Variants in COL22A1 observed in about 807,000 individuals in gnomAD.
COL22A1 encodes collagen alpha-1(XXII) chain.
COL22A1 carries 221 observed loss-of-function variants against 248.9 expected under a neutral mutation model. The ratio of observed to expected loss-of-function variants is 0.89; its 90% CI spans 0.80 to 0.99. COL22A1 has a LOEUF of 0.99. COL22A1 is among the 50% of genes least tolerant of loss of function. COL22A1 has a pLI of 0.00. For synonymous variants in COL22A1, 891 were observed against 793.4 expected (o/e 1.12, Z -2.07); for missense variants, 2,240 against 2,179.0 (o/e 1.03, Z -0.56).
At position 138,873,058 on chromosome 8, in the gene COL22A1, G is replaced by T. The variant is rs374493209; in HGVS notation, c.658+4692C>A. 3.3e-5 allele frequency among the ~76,000 whole-genome samples: 5 copies of T among 152,162 alleles called. No individual in the cohort carries two copies. In the South Asian group the frequency reaches 6.2e-4, roughly 19 times the overall value. On this transcript the variant is annotated intron_variant, in intron 3 of 64. Coordinates refer to ENST00000303045, the MANE Select transcript of COL22A1 (RefSeq NM_152888.3). Reference sequence around the variant, plus strand: ...GTAGGGTTTGATAATTAGATATGCAGTAAGATTGCAGAAGGATGGTTGAAA... The same window carrying T: ...GTAGGGTTTGATAATTAGATATGCATTAAGATTGCAGAAGGATGGTTGAAA...
At chr8:138,730,105 C>G (rs934942150) in intron 23 of COL22A1, among the ~76,000 whole-genome samples, 3 of 152,212 alleles carry the variant, frequency 2.0e-5, no homozygotes, top group Admixed American at 6.5e-5. Flanking sequence ...TGACTATATG[C>G]TTGGCATCCT....
chr8:138,678,509 G>A (rs963551315), intron 40 of COL22A1, among the ~76,000 whole-genome samples: 1 of 152,236 alleles, frequency 6.6e-6, no homozygotes, highest in East Asian at 1.9e-4. Flanking sequence ...GTTCTTGGAA[G>A]TTCAAGATAC....
intron 4 of COL22A1, among the ~76,000 whole-genome samples, chr8:138,840,338 C>A (rs2131851600): frequency 6.6e-6 from 1 of 152,074 alleles, no homozygotes; most frequent in African/African-American, 2.4e-5. Flanking sequence ...TGAAGGATGC[C>A]CAGCTGACAT....
chr8:138,764,549 G>A (rs1400695830), intron 16 of COL22A1, among the ~76,000 whole-genome samples: 1 of 152,226 alleles, frequency 6.6e-6, no homozygotes, highest in Admixed American at 6.5e-5. Context: ...TGGTTTGCAG[G>A]CCCCTGGCCT....
At chr8:138,679,758 G>C in intron 39 of COL22A1, 82 bp from the exon 40 acceptor site, 2 of 1,172,634 alleles carry the variant, frequency 1.7e-6, no homozygotes, top group Non-Finnish European at 2.5e-6. Flanking sequence ...CCTCTGTTAG[G>C]TACTGGATCT....
intron 35 of COL22A1, among the ~76,000 whole-genome samples, chr8:138,692,474 T>C (rs1262591134): frequency 3.5e-5 from 2 of 57,582 alleles, no homozygotes; most frequent in African/African-American, 5.5e-5. Context: ...TGTGTGTGTG[T>C]GTGTGTGTGT....
In COL22A1 at chr8:138,755,825, T is replaced by C. The variant is rs1832951241; in HGVS notation, c.1907A>G (p.Asp636Gly). The change falls in exon 19 of 65, where the codon GAC becomes GGC. Residue 636 changes from aspartate (D) to glycine (G), a missense_variant. Physicochemically the swap from Asp to Gly is moderately conservative, Grantham distance 94 (BLOSUM62 -1). Coordinates refer to ENST00000303045, the MANE Select transcript of COL22A1 (RefSeq NM_152888.3). ...GVAGPQGEKG[D>G]VGPAGPPGVP... ...ACCAGGTGGCCCCGCAGGTCCCACG[T>C]CACCCTGCACAGAAACGACAAACAT... 1 of 1,613,938 alleles carries C rather than the reference T, an allele frequency of 6.2e-7. No individual in the cohort carries two copies. Among genetic ancestry groups the C allele is most frequent in the Non-Finnish European group, 8.5e-7 (1 of 1,179,940 alleles).
rs116712613 is a variant in COL22A1, at chr8:138,797,454, T to C, written c.1558-597A>G. On this transcript the variant is annotated intron_variant, in intron 11 of 64. Coordinates refer to ENST00000303045, the MANE Select transcript of COL22A1 (RefSeq NM_152888.3). ...TACTTCATTTTATTGCAAAATGATA[T>C]GACATTGTACGCATATGACATACAT... Among the ~76,000 whole-genome samples, 176 of 152,338 alleles carry C rather than the reference T, an allele frequency of 1.2e-3. 1 individual carries two copies. Among genetic ancestry groups the C allele is most frequent in the African/African-American group, 4.1e-3 (169 of 41,580 alleles).
intron 51 of COL22A1, 61 bp from the exon 52 acceptor site, chr8:138,623,846 A>G (rs1487767544): frequency 6.7e-7 from 1 of 1,497,654 alleles, no homozygotes; most frequent in East Asian, 2.3e-5. Flanking sequence ...TGGAAAGACG[A>G]AGGCAGTTTC....
chr8:138,787,747 C>T (rs1815664077), intron 12 of COL22A1, among the ~76,000 whole-genome samples: 1 of 152,182 alleles, frequency 6.6e-6, no homozygotes, highest in Admixed American at 6.5e-5. Flanking sequence ...AGTCCAGGCT[C>T]TGACCTGTCT....
chr8:138,787,343 G>A (rs1447391789), intron 12 of COL22A1, among the ~76,000 whole-genome samples: 2 of 152,200 alleles, frequency 1.3e-5, no homozygotes, highest in Non-Finnish European at 2.9e-5. Flanking sequence ...AGCCTAGGCT[G>A]GGAGGAGAGG....
intron 50 of COL22A1, among the ~76,000 whole-genome samples, chr8:138,630,285 A>G (rs1466010649): frequency 6.6e-6 from 1 of 152,192 alleles, no homozygotes; most frequent in Non-Finnish European, 1.5e-5. Flanking sequence ...GGATAACAAT[A>G]GCTGCCTCTT....
At chr8:138,878,492 CACATGGCA>C (rs1823926401) in intron 2 of COL22A1, among the ~76,000 whole-genome samples, 176 bp from the exon 3 acceptor site, 1 of 152,090 alleles carries the variant, frequency 6.6e-6, no homozygotes, top group Non-Finnish European at 1.5e-5. Flanking sequence ...TCCACACCTT[CACATGGCA>C]ATAATGATGA....
chr8:138,598,146 T>C (rs746544753), intron 61 of COL22A1, among the ~76,000 whole-genome samples: 12 of 152,136 alleles, frequency 7.9e-5, no homozygotes, highest in Non-Finnish European at 1.5e-4. Context: ...TTGTGTAAAA[T>C]GAAAGTGCTG....
At chr8:138,839,261 C>G (rs1820681469) in intron 4 of COL22A1, among the ~76,000 whole-genome samples, 1 of 152,082 alleles carries the variant, frequency 6.6e-6, no homozygotes, top group Admixed American at 6.5e-5. Flanking sequence ...AGGTTGCCAT[C>G]ATGAACAAGC....
Position 138,902,735 on chromosome 8 carries a change from T to TAC in COL22A1, c.-73+10883_-73+10884insGT, listed in dbSNP as rs1275091313. Among the ~76,000 whole-genome samples the TAC allele has an allele frequency of 5.2e-3, 466 of 90,304 alleles. 1 individual carries two copies. The highest frequency in any genetic ancestry group is 8.1e-3 in the South Asian group (21 of 2,580). 59.2% of individuals were successfully genotyped at this position (90,304 alleles called of 152,430 possible). On this transcript the variant is annotated intron_variant, in intron 1 of 64. Transcript: ENST00000303045. ...AAAAAAAAATTTATAAATATATATA[T>TAC]ATATACACACACACACACACACACA... is the stretch of plus-strand genomic sequence containing the variant.
At chr8:138,591,561 C>T (rs371889053) in intron 63 of COL22A1, 60 bp from the exon 64 acceptor site, 22 of 1,358,208 alleles carry the variant, frequency 1.6e-5, no homozygotes, top group African/African-American at 5.9e-5. Flanking sequence ...AGAAACTGGG[C>T]GTCCCACCTT....
chr8:138,640,396 C>T (rs1378112440), intron 47 of COL22A1, among the ~76,000 whole-genome samples: 1 of 152,110 alleles, frequency 6.6e-6, no homozygotes, highest in African/African-American at 2.4e-5. Flanking sequence ...ACTAAACTTT[C>T]CCAAGTTAGT....
intron 21 of COL22A1, among the ~76,000 whole-genome samples, chr8:138,754,077 A>G (rs915981610): frequency 2.6e-5 from 4 of 152,230 alleles, no homozygotes; most frequent in African/African-American, 4.8e-5. Context: ...CATTGGTAAA[A>G]GATGAAAAAT....
Sources: gnomAD v4.1 joint callset for allele counts (sites outside exome capture counted in the v4.1 genomes callset) on GRCh38, gnomAD v4.1.1 for gene constraint, MANE v1.5 for transcripts, NCBI Gene and HGNC (gene_info 2026-07-23, HGNC 2026-07-21) for gene names.